NCOR1: variants seen among roughly 807,000 people sequenced by gnomAD.
NCOR1 encodes protein phosphatase 1, regulatory subunit 109.
In NCOR1, 63 loss-of-function variants were observed where a neutral mutation model predicts 288.1. That is an observed-to-expected ratio of 0.22 (90% CI 0.18 to 0.27). NCOR1 has a LOEUF of 0.27. Among genes scored for constraint, NCOR1 ranks in the 10% least tolerant of loss-of-function variants. The pLI is 1.00. For synonymous variants in NCOR1, 1,007 were observed against 1,065.9 expected (o/e 0.94, Z 1.08); for missense variants, 2,397 against 3,019.2 (o/e 0.79, Z 4.83).
chr17:16,184,909 C>T (rs570838675), intron 3 of NCOR1, among the ~76,000 whole-genome samples: 2 of 148,628 alleles, frequency 1.3e-5, no homozygotes, highest in Non-Finnish European at 3.0e-5. Flanking sequence ...TCTTGCCATC[C>T]ACAACATGGA....
intron 11 of NCOR1, among the ~76,000 whole-genome samples, chr17:16,142,481 T>C (rs2077293625): frequency 6.6e-6 from 1 of 152,100 alleles, no homozygotes; most frequent in Non-Finnish European, 1.5e-5. Context: ...ACTCAGTCAA[T>C]ACTAGATGGC....
Position 16,092,658 on chromosome 17 carries a change from TATATATATATATATATATATATATA to T in NCOR1, c.2821-625_2821-601del, listed in dbSNP as rs1567956241. ...GGGATCAGATCCATTTATATATATA[TATATATATATATATATATATATATA>T]TATATATATATATTTTTTTTTTTTT... On this transcript the variant is annotated intron_variant, in intron 21 of 45. Coordinates refer to ENST00000268712, the MANE Select transcript of NCOR1 (RefSeq NM_006311.4). Among the ~76,000 whole-genome samples the T allele has an allele frequency of 1.5e-3, 14 of 9,214 alleles. No homozygotes were observed. The East Asian group carries it at 0.059, about 39-fold the overall frequency. The allele number at this position is 9,214 out of a possible 152,430, so 6.0% of individuals were successfully genotyped here.
intron 3 of NCOR1, among the ~76,000 whole-genome samples, chr17:16,182,241 A>C (rs2085633547): frequency 6.6e-6 from 1 of 152,180 alleles, no homozygotes; most frequent in South Asian, 2.1e-4. Flanking sequence ...AATTGGGGGA[A>C]GGGAAACCAG....
At chr17:16,038,386 G>A (rs780237951) in intron 44 of NCOR1, among the ~76,000 whole-genome samples, 46 of 152,026 alleles carry the variant, frequency 3.0e-4, no homozygotes, top group Non-Finnish European at 5.7e-4. Flanking sequence ...TTAGCATTCC[G>A]GATGATGTGA....
At chr17:16,104,457 C>A (rs764041153) in intron 19 of NCOR1, among the ~76,000 whole-genome samples, 2 of 152,038 alleles carry the variant, frequency 1.3e-5, no homozygotes, top group Admixed American at 6.6e-5. Context: ...CATATTCTAG[C>A]GTGAAATAGA....
intron 1 of NCOR1, among the ~76,000 whole-genome samples, chr17:16,196,901 C>T (rs963349735): frequency 1.3e-5 from 2 of 151,770 alleles, no homozygotes; most frequent in African/African-American, 4.8e-5. Flanking sequence ...CCCATGGTCC[C>T]AGCTACCTGG....
chr17:16,030,435 T>A lies in NCOR1; in HGVS notation c.*1861A>T. 1 of 210,070 alleles carries A rather than the reference T, an allele frequency of 4.8e-6. No homozygotes were observed. The highest frequency in any genetic ancestry group is 9.7e-6 in the Non-Finnish European group (1 of 103,384). 13.0% of individuals were successfully genotyped at this position (210,070 alleles called of 1,614,324 possible). On this transcript the variant is annotated 3_prime_UTR_variant, in exon 46 of 46. Coordinates refer to ENST00000268712, the MANE Select transcript of NCOR1 (RefSeq NM_006311.4). ...CATAGAAAAATACCATCATAATCTC[T>A]TTTATGGTAGGTTGGCAATATAAAT...
At chr17:16,070,131 A>G in intron 31 of NCOR1, 34 bp downstream of exon 31, 1 of 1,537,362 alleles carries the variant, frequency 6.5e-7, no homozygotes, top group Non-Finnish European at 8.7e-7. Flanking sequence ...AAATGCAATA[A>G]AAAGTATCAG....
At chr17:16,174,935 T>G (rs1199801727) in intron 3 of NCOR1, among the ~76,000 whole-genome samples, 1 of 151,854 alleles carries the variant, frequency 6.6e-6, no homozygotes, top group Non-Finnish European at 1.5e-5. Context: ...AACAAAAACT[T>G]GTACACGAAT....
At chr17:16,129,797 C>T (rs1436106415) in intron 14 of NCOR1, among the ~76,000 whole-genome samples, 3 of 152,182 alleles carry the variant, frequency 2.0e-5, no homozygotes, top group African/African-American at 7.2e-5. Context: ...CTCAGCAGAA[C>T]GTAAGGAAAG....
Position 16,127,182 on chromosome 17 carries a change from T to TA in NCOR1, c.1510-977_1510-976insT, listed in dbSNP as rs2074261857. Among the ~76,000 whole-genome samples, 3 of 130,354 alleles carry TA rather than the reference T, an allele frequency of 2.3e-5. 1 individual carries two copies. Among genetic ancestry groups the TA allele is most frequent in the African/African-American group, 1.1e-4 (3 of 27,032 alleles). 85.5% of individuals were successfully genotyped at this position (130,354 alleles called of 152,430 possible). The stretch of plus-strand genomic sequence containing the variant: ...ATGTATATATACATGTATGTATATA[T>TA]CTGTATGTATATATACATGTATGTA... On this transcript the variant is annotated intron_variant, in intron 14 of 45. Coordinates refer to ENST00000268712, the MANE Select transcript of NCOR1 (RefSeq NM_006311.4).
At chr17:16,177,342 C>T (rs2084402700) in intron 3 of NCOR1, among the ~76,000 whole-genome samples, 1 of 150,576 alleles carries the variant, frequency 6.6e-6, no homozygotes, top group Non-Finnish European at 1.5e-5. Flanking sequence ...GAGGCATGCT[C>T]TTTATGTTTC....
rs1472744747 is a variant in NCOR1 at position 16,139,068 on chromosome 17, T to C, written c.1292A>G (p.Tyr431Cys). The C allele has an allele frequency of 6.2e-7, 1 of 1,610,836 alleles. No homozygotes were observed. The highest frequency in any genetic ancestry group is 2.2e-5 in the East Asian group (1 of 44,850). Residue 431 changes from tyrosine (Y) to cysteine (C), a missense_variant, in exon 12 of 46, where the codon TAT becomes TGT. By Grantham distance (194) the Tyr-to-Cys change is radical (BLOSUM62 -2). Coordinates refer to ENST00000268712, the MANE Select transcript of NCOR1 (RefSeq NM_006311.4). ...AACATTCATAAACTGCCTATCTTTA[T>C]ACACTTTCATAGGGTCCTCCATAAG... ...NGLMEDPMKVYKDRQFMNVWT... is the reference protein window; with the variant it reads ...NGLMEDPMKVCKDRQFMNVWT...
intron 1 of NCOR1, among the ~76,000 whole-genome samples, chr17:16,207,577 T>C (rs962683167): frequency 6.6e-6 from 1 of 151,682 alleles, no homozygotes; most frequent in Non-Finnish European, 1.5e-5. Flanking sequence ...CCATCTCTAC[T>C]AAAAATACAA....
At chr17:16,162,343 A>C (rs117095995) in intron 5 of NCOR1, among the ~76,000 whole-genome samples, 1 of 152,120 alleles carries the variant, frequency 6.6e-6, no homozygotes, top group Non-Finnish European at 1.5e-5. Flanking sequence ...CAGGAATTTC[A>C]TAAGTAGAAC....
At chr17:16,048,124 C>T (rs1013669149) in intron 41 of NCOR1, among the ~76,000 whole-genome samples, 2 of 152,202 alleles carry the variant, frequency 1.3e-5, no homozygotes, top group African/African-American at 2.4e-5. Context: ...AGTATCAGTA[C>T]GACCATGAGC....
At chr17:16,068,218 T>C (rs1485904873) in intron 31 of NCOR1, 97 bp from the exon 32 acceptor site, 3 of 979,636 alleles carry the variant, frequency 3.1e-6, no homozygotes, top group Non-Finnish European at 4.6e-6. Context: ...ACTATATTCA[T>C]GTATTTGGAT....
At chr17:16,050,065 A>C (rs1449013633) in intron 40 of NCOR1, among the ~76,000 whole-genome samples, 2 of 151,616 alleles carry the variant, frequency 1.3e-5, no homozygotes, top group Non-Finnish European at 2.9e-5. Flanking sequence ...TAATATTTTT[A>C]TTATATGTTT....
At chr17:16,087,438 C>G (rs550679493) in intron 22 of NCOR1, 3 of 726,986 alleles carry the variant, frequency 4.1e-6, no homozygotes, top group South Asian at 1.8e-5. Flanking sequence ...AGGGGCTGAT[C>G]CGACTATAAC....
Sources: gnomAD v4.1 joint callset for allele counts (sites outside exome capture counted in the v4.1 genomes callset) on GRCh38, gnomAD v4.1.1 for gene constraint, MANE v1.5 for transcripts, NCBI Gene and HGNC (gene_info 2026-07-23, HGNC 2026-07-21) for gene names.